The following SPEF2 variants were observed in gnomAD, a reference collection of about 807,000 sequenced individuals.
SPEF2 encodes the protein sperm flagellar and cilia associated 2.
SPEF2 carries 187 observed loss-of-function variants against 224.6 expected under a neutral mutation model. That is an observed-to-expected ratio of 0.83 (90% confidence interval 0.74 to 0.94). SPEF2 has a LOEUF of 0.94. Among genes scored for constraint, SPEF2 ranks in the 40% least tolerant of loss-of-function variants. SPEF2 has a pLI of 0.00. For missense variants in SPEF2, 2,170 were observed against 2,135.6 expected (o/e 1.02, Z -0.32); for synonymous variants, 715 against 707.3 (o/e 1.01, Z -0.17).
At chr5:35,661,292 ATATATATT>A (rs1216357324) in intron 8 of SPEF2, among the ~76,000 whole-genome samples, 3 of 84,384 alleles carry the variant, frequency 3.6e-5, no homozygotes, top group African/African-American at 4.8e-5. Flanking sequence ...ATATATATAT[ATATATATT>A]ATACACACAT....
intron 23 of SPEF2, among the ~76,000 whole-genome samples, chr5:35,742,871 C>T (rs2149698555): frequency 6.6e-6 from 1 of 151,758 alleles, no homozygotes; most frequent in South Asian, 2.1e-4. Context: ...AGGAAATTTC[C>T]TTTATAGCTT....
At chr5:35,736,471 G>T (rs1746610075) in intron 21 of SPEF2, among the ~76,000 whole-genome samples, 1 of 69,458 alleles carries the variant, frequency 1.4e-5, no homozygotes, top group East Asian at 3.0e-4. Flanking sequence ...GTGACAGAGT[G>T]TGTGTGTGTG....
intron 30 of SPEF2, chr5:35,789,972 T>C (rs1755724874): frequency 1.4e-6 from 1 of 701,590 alleles, no homozygotes; most frequent in Non-Finnish European, 2.6e-6. Context: ...TTATAAATGT[T>C]TGGGTAAAAC....
At chr5:35,701,512 A>G (rs1030704937) in intron 16 of SPEF2, among the ~76,000 whole-genome samples, 4 of 152,180 alleles carry the variant, frequency 2.6e-5, no homozygotes, top group African/African-American at 7.2e-5. Context: ...ATGATGGAAG[A>G]CTTTGAAATC....
chr5:35,624,122 G>A (rs1743885965), intron 1 of SPEF2, among the ~76,000 whole-genome samples: 1 of 152,144 alleles, frequency 6.6e-6, no homozygotes, highest in Admixed American at 6.5e-5. Context: ...GGGCCATTTT[G>A]ATGGAAAGGC....
chr5:35,801,845 G>A (rs906537894), intron 34 of SPEF2, among the ~76,000 whole-genome samples: 3 of 152,222 alleles, frequency 2.0e-5, no homozygotes, highest in African/African-American at 7.2e-5. Context: ...CAGGAGTTTG[G>A]TGGGGAGGAG....
Position 35,788,638 on chromosome 5 carries a change from G to A in SPEF2, c.4448-3702G>A, listed in dbSNP as rs149584011. On this transcript the variant is annotated intron_variant, in intron 30 of 36. Coordinates refer to ENST00000356031, the MANE Select transcript of SPEF2 (RefSeq NM_024867.4). ...AGATAAATCTTCAACTTAGACTGTCGAGCCAAGACTGGGCAAAGAAGCTGG... is the reference window on the plus strand; with the variant it reads ...AGATAAATCTTCAACTTAGACTGTCAAGCCAAGACTGGGCAAAGAAGCTGG... The A allele has an allele frequency of 3.5e-4, 243 of 702,934 alleles. 1 individual carries two copies. In the African/African-American group the frequency reaches 3.9e-3, roughly 11 times the overall value. The allele number at this position is 702,934 out of a possible 1,614,324, so 43.5% of individuals were successfully genotyped here.
chr5:35,763,659 T>C lies in SPEF2; in HGVS notation c.3758T>C (p.Val1253Ala), dbSNP rs771132855. The change falls in exon 26 of 37, where the codon GTC becomes GCC. Residue 1253 changes from valine to alanine, a missense_variant. Physicochemically the swap from Val to Ala is moderately conservative, Grantham distance 64 (BLOSUM62 0). Coordinates refer to ENST00000356031, the MANE Select transcript of SPEF2 (RefSeq NM_024867.4). The stretch of plus-strand genomic sequence containing the variant: ...AACTTTGAGGCCGATGAAAAGTTGG[T>C]CATGGACACCTGGCAGCAGGCTTCT... ...ESNFEADEKLVMDTWQQASLA... is the reference protein window; with the variant it reads ...ESNFEADEKLAMDTWQQASLA... 4 of 1,613,552 alleles carry C rather than the reference T, an allele frequency of 2.5e-6. No homozygotes were observed. The South Asian group carries it at 4.4e-5, about 18-fold the overall frequency.
chr5:35,787,427 C>T (rs1289742641), intron 30 of SPEF2, among the ~76,000 whole-genome samples: 1 of 152,078 alleles, frequency 6.6e-6, no homozygotes, highest in Non-Finnish European at 1.5e-5. Flanking sequence ...AGCTAAAAGC[C>T]ATGTCACTCT....
Position 35,779,263 on chromosome 5 carries a change from C to G in SPEF2, c.4364C>G (p.Pro1455Arg). 12 of 1,613,940 alleles carry G rather than the reference C, an allele frequency of 7.4e-6. No homozygotes were observed. Among genetic ancestry groups the G allele is most frequent in the Non-Finnish European group, 1.0e-5 (12 of 1,179,898 alleles). ...CCTCCCCCATCAATACGTCCTCCAC[C>G]TGTAGAAAAGGAAGAAGATGGTACC... ...PDPPPSIRPP[P>R]VEKEEDGTLT... The change falls in exon 30 of 37, where the codon CCT becomes CGT. Residue 1455 changes from proline to arginine, a missense_variant. Pro to Arg is a moderately radical substitution (Grantham distance 103). Transcript: ENST00000356031.
At chr5:35,812,821 C>T (rs1011071591) in intron 36 of SPEF2, among the ~76,000 whole-genome samples, 32 of 152,156 alleles carry the variant, frequency 2.1e-4, no homozygotes, top group African/African-American at 4.8e-4. Context: ...ATTATAAGTG[C>T]GAACTGAAGG....
chr5:35,789,025 G>A, intron 30 of SPEF2: 1 of 690,212 alleles, frequency 1.4e-6, no homozygotes, highest in South Asian at 1.5e-5. Flanking sequence ...TTCGGCAACT[G>A]CACTCAGTAA....
At chr5:35,765,364 A>T (rs1051519061) in intron 26 of SPEF2, among the ~76,000 whole-genome samples, 1 of 152,108 alleles carries the variant, frequency 6.6e-6, no homozygotes, top group African/African-American at 2.4e-5. Flanking sequence ...TGGGTTTCCA[A>T]TTTGGTGTCG....
At chr5:35,684,255 G>A (rs891092038) in intron 10 of SPEF2, among the ~76,000 whole-genome samples, 5 of 151,886 alleles carry the variant, frequency 3.3e-5, no homozygotes, top group Non-Finnish European at 5.9e-5. Context: ...CTTTTCACTC[G>A]TCATGTTCTG....
At chr5:35,744,505 C>T (rs1192776587) in intron 23 of SPEF2, among the ~76,000 whole-genome samples, 1 of 152,124 alleles carries the variant, frequency 6.6e-6, no homozygotes, top group Non-Finnish European at 1.5e-5. Flanking sequence ...TCATTTTGTC[C>T]ATTACAAAAC....
At position 35,733,050 on chromosome 5, in the gene SPEF2, A is replaced by AT. The variant is rs1745908921; in HGVS notation, c.3063+5228dup. ...GCATCCCCTGTGGGTCTGGGAACAT[A>AT]TCCCCCCCTGACAAATGGAATTTCT... On this transcript the variant is annotated intron_variant, in intron 21 of 36. Transcript: ENST00000356031. Among the ~76,000 whole-genome samples, 3 of 152,244 alleles carry AT rather than the reference A, an allele frequency of 2.0e-5. No individual in the cohort carries two copies. The South Asian group carries it at 6.2e-4, about 32-fold the overall frequency.
At chr5:35,806,485 A>G (rs1758078016) in intron 34 of SPEF2, among the ~76,000 whole-genome samples, 2 of 152,222 alleles carry the variant, frequency 1.3e-5, no homozygotes, top group African/African-American at 2.4e-5. Flanking sequence ...CACACCCCAC[A>G]CTATACAAGC....
chr5:35,649,299 G>A (rs1323222454), intron 5 of SPEF2, 62 bp from the exon 6 acceptor site: 3 of 1,363,268 alleles, frequency 2.2e-6, no homozygotes, highest in African/African-American at 2.9e-5. Flanking sequence ...GAATGAATGT[G>A]TAAATGAAGA....
intron 6 of SPEF2, 101 bp downstream of exon 6, chr5:35,649,526 T>A: frequency 1.2e-6 from 1 of 829,592 alleles, no homozygotes; most frequent in Non-Finnish European, 1.8e-6. Flanking sequence ...TATTCCAGGA[T>A]CTTTTCACTC....
Sources: gnomAD v4.1 joint callset for allele counts (sites outside exome capture counted in the v4.1 genomes callset) on GRCh38, gnomAD v4.1.1 for gene constraint, MANE v1.5 for transcripts, NCBI Gene and HGNC (gene_info 2026-07-23, HGNC 2026-07-21) for gene names.